The following PTPRN2 variants were observed in gnomAD, a reference collection of about 807,000 sequenced individuals.
PTPRN2 encodes receptor-type tyrosine-protein phosphatase N2.
A neutral mutation model predicts 118.8 loss-of-function variants in PTPRN2; 74 were observed. That is an observed-to-expected ratio of 0.62 (90% confidence interval 0.52 to 0.76). The LOEUF (loss-of-function observed/expected upper bound fraction) is 0.76, where lower values mean the gene tolerates loss of function less well. Among genes scored for constraint, PTPRN2 ranks in the 30% least tolerant of loss-of-function variants. The probability of loss-of-function intolerance (pLI) is 0.00; values close to 1 mark genes in which losing one functional copy is unlikely to be tolerated. For synonymous variants in PTPRN2, 641 were observed against 608.0 expected (o/e 1.05, Z -0.80); for missense variants, 1,481 against 1,394.4 (o/e 1.06, Z -0.99).
Position 157,676,623 on chromosome 7 carries a change from G to C in PTPRN2, c.2001+6102C>G, listed in dbSNP as rs1796681047. Among the ~76,000 whole-genome samples, 1 of 152,238 alleles carries C rather than the reference G, an allele frequency of 6.6e-6. No homozygotes were observed. The highest frequency in any genetic ancestry group is 1.5e-5 in the Non-Finnish European group (1 of 68,034). On this transcript the variant is annotated intron_variant, in intron 13 of 22. Transcript: ENST00000389418. The surrounding 1 kb of genome is among the most constrained non-coding windows in gnomAD (Gnocchi z 5.6). ...CCTGCAGTGGGGACAGCGCAGCTGGGGACCGCCCAGTGCAGCTCTGCCACT... is the reference window on the plus strand; with the variant it reads ...CCTGCAGTGGGGACAGCGCAGCTGGCGACCGCCCAGTGCAGCTCTGCCACT...
At chr7:157,917,099 C>T (rs1245104295) in intron 11 of PTPRN2, among the ~76,000 whole-genome samples, 7 of 150,710 alleles carry the variant, frequency 4.6e-5, no homozygotes, top group Non-Finnish European at 8.9e-5. Flanking sequence ...CTCCAGGACA[C>T]GTCCAACACA....
chr7:158,414,527 C>T (rs911839326), intron 2 of PTPRN2, among the ~76,000 whole-genome samples: 5 of 152,232 alleles, frequency 3.3e-5, no homozygotes, highest in Non-Finnish European at 7.3e-5. Context: ...AGATGTTCTC[C>T]GGGCTCAGCT....
chr7:158,248,867 CCACACATATGCACGCAT>C (rs1796444169), intron 3 of PTPRN2, among the ~76,000 whole-genome samples: 1 of 12,988 alleles, frequency 7.7e-5, no homozygotes, highest in African/African-American at 3.4e-4. Flanking sequence ...CATGCACACA[CCACACATATGCACGCAT>C]CACACGCAGC....
intron 10 of PTPRN2, among the ~76,000 whole-genome samples, chr7:158,085,082 GCCCATCCACACCCACCACA>G (rs1813200466): frequency 3.0e-5 from 3 of 101,358 alleles, no homozygotes; most frequent in African/African-American, 4.1e-5. Context: ...CCACACAGAT[GCCCATCCACACCCACCACA>G]CCCATCCACA....
intron 2 of PTPRN2, among the ~76,000 whole-genome samples, chr7:158,414,008 C>T (rs915979801): frequency 7.0e-6 from 1 of 143,292 alleles, no homozygotes; most frequent in East Asian, 2.1e-4. Flanking sequence ...GCGGAGGTTG[C>T]AGTGAGCCGT....
chr7:158,500,580 C>T (rs1213078193), intron 1 of PTPRN2, among the ~76,000 whole-genome samples: 2 of 152,234 alleles, frequency 1.3e-5, no homozygotes, highest in African/African-American at 4.8e-5. Flanking sequence ...ACACACTCTT[C>T]TCTGTGGAAC....
intron 5 of PTPRN2, among the ~76,000 whole-genome samples, chr7:158,169,882 G>T (rs1475602316): frequency 6.6e-6 from 1 of 150,852 alleles, no homozygotes; most frequent in Non-Finnish European, 1.5e-5. Context: ...AGTAGAGATG[G>T]GGTTTCGCCA....
At position 157,893,463 on chromosome 7, in the gene PTPRN2, A is replaced by G. The variant is rs761798394; in HGVS notation, c.1788+5210T>C. Among the ~76,000 whole-genome samples, 11 of 152,332 alleles carry G rather than the reference A, an allele frequency of 7.2e-5. No homozygotes were observed. The highest frequency in any genetic ancestry group is 3.4e-3 in the Middle Eastern group (1 of 294). On this transcript the variant is annotated intron_variant, in intron 12 of 22. Transcript: ENST00000389418. The surrounding 1 kb of genome is among the most constrained non-coding windows in gnomAD (Gnocchi z 4.0). The stretch of plus-strand genomic sequence containing the variant: ...GCAGAGGCCAATTCTTTCCAGAGTT[A>G]AATAGTCCACTTCACAGATAATCTG...
chr7:157,827,541 G>A (rs1180404126), intron 12 of PTPRN2, among the ~76,000 whole-genome samples: 2 of 152,216 alleles, frequency 1.3e-5, no homozygotes, highest in African/African-American at 2.4e-5. Flanking sequence ...GAGGCGTGAC[G>A]TCCTCCATTC....
chr7:158,138,639 G>T, intron 6 of PTPRN2, 124 bp from the exon 7 acceptor site: 2 of 783,138 alleles, frequency 2.6e-6, no homozygotes, highest in Non-Finnish European at 4.1e-6. Flanking sequence ...CTAGGGCCAG[G>T]CGCAGGCCAG....
chr7:158,355,726 T>C (rs916994034), intron 2 of PTPRN2, among the ~76,000 whole-genome samples: 2 of 152,180 alleles, frequency 1.3e-5, no homozygotes, highest in Non-Finnish European at 2.9e-5. Flanking sequence ...CACCACCAGA[T>C]GGCAACAGGG....
At chr7:158,467,155 A>G (rs772248128) in intron 2 of PTPRN2, among the ~76,000 whole-genome samples, 69 of 152,262 alleles carry the variant, frequency 4.5e-4, no homozygotes, top group African/African-American at 1.1e-3. Flanking sequence ...TGCGTTTCCA[A>G]TGATTAGTGA....
At chr7:158,001,131 C>T (rs1184629025) in intron 11 of PTPRN2, among the ~76,000 whole-genome samples, 2 of 106,768 alleles carry the variant, frequency 1.9e-5, no homozygotes, top group East Asian at 5.5e-4. Flanking sequence ...GGGGTTTGGC[C>T]GCAGGTGGGG....
In PTPRN2 at chr7:157,808,314, C is replaced by T. The variant is rs1450364106; in HGVS notation, c.1788+90359G>A. On this transcript the variant is annotated intron_variant, in intron 12 of 22. Transcript: ENST00000389418. The surrounding 1 kb of genome is among the most constrained non-coding windows in gnomAD (Gnocchi z 5.0). ...CCGGTGAGTGGTGGGTGAGTGAGTACGTGAGTGGCAGGTAAGCGGGTGAGT... is the reference window on the plus strand; with the variant it reads ...CCGGTGAGTGGTGGGTGAGTGAGTATGTGAGTGGCAGGTAAGCGGGTGAGT... Among the ~76,000 whole-genome samples the T allele has an allele frequency of 6.6e-6, 1 of 150,608 alleles. No homozygotes were observed. Among genetic ancestry groups the T allele is most frequent in the East Asian group, 1.9e-4 (1 of 5,152 alleles).
chr7:157,915,513 C>T (rs1438784181), intron 11 of PTPRN2, among the ~76,000 whole-genome samples: 3 of 149,962 alleles, frequency 2.0e-5, no homozygotes, highest in African/African-American at 4.9e-5. Context: ...TTACCATCCT[C>T]CAGCCCAATG....
At chr7:158,326,321 G>C (rs953482422) in intron 2 of PTPRN2, among the ~76,000 whole-genome samples, 1 of 152,236 alleles carries the variant, frequency 6.6e-6, no homozygotes, top group Non-Finnish European at 1.5e-5. Context: ...TTCTTCATCC[G>C]AGACATCGCT....
intron 11 of PTPRN2, among the ~76,000 whole-genome samples, chr7:157,970,513 C>G (rs1164416405): frequency 1.3e-5 from 2 of 152,186 alleles, no homozygotes; most frequent in Non-Finnish European, 2.9e-5. Context: ...CAGAGCCACG[C>G]TGATGGCGTC....
intron 12 of PTPRN2, among the ~76,000 whole-genome samples, chr7:157,734,867 C>A (rs1002547584): frequency 6.6e-6 from 1 of 152,244 alleles, no homozygotes; most frequent in Non-Finnish European, 1.5e-5. Context: ...ACCTGGCGCT[C>A]GGCCATGTGC....
chr7:158,248,445 T>A (rs901057173), intron 3 of PTPRN2, among the ~76,000 whole-genome samples: 1 of 149,528 alleles, frequency 6.7e-6, no homozygotes, highest in African/African-American at 2.5e-5. Context: ...CTCATTTACT[T>A]GAATTCAAAT....
Sources: gnomAD v4.1 joint callset for allele counts (sites outside exome capture counted in the v4.1 genomes callset) on GRCh38, gnomAD v4.1.1 for gene constraint, Gnocchi (gnomAD v3.1) non-coding constraint, MANE v1.5 for transcripts, NCBI Gene and HGNC (gene_info 2026-07-23, HGNC 2026-07-21) for gene names.